NCOA7: variants seen among roughly 807,000 people sequenced by gnomAD.
The protein encoded by NCOA7 is nuclear receptor coactivator 7.
NCOA7 carries 45 observed loss-of-function variants against 104.3 expected under a neutral mutation model. That is an observed-to-expected ratio of 0.43 (90% CI 0.34 to 0.55). The LOEUF is 0.55. Among genes scored for constraint, NCOA7 ranks in the 20% least tolerant of loss-of-function variants. The pLI is 0.02. For synonymous variants in NCOA7, 398 were observed against 402.3 expected (o/e 0.99, Z 0.13); for missense variants, 1,041 against 1,119.7 (o/e 0.93, Z 1.00).
intron 12 of NCOA7, among the ~76,000 whole-genome samples, chr6:125,922,190 A>G (rs1472272796): frequency 6.6e-6 from 1 of 152,242 alleles, no homozygotes; most frequent in Non-Finnish European, 1.5e-5. Flanking sequence ...GATGCAGGTA[A>G]AAGATATAGG....
chr6:125,899,386 G>A (rs1413778093), intron 10 of NCOA7, among the ~76,000 whole-genome samples: 2 of 152,162 alleles, frequency 1.3e-5, no homozygotes, highest in Non-Finnish European at 2.9e-5. Flanking sequence ...AATGCCTCCT[G>A]GTGCCAAGAA....
chr6:125,786,720 C>A (rs1774486093), upstream of NCOA7, among the ~76,000 whole-genome samples: 1 of 151,994 alleles, frequency 6.6e-6, no homozygotes, highest in African/African-American at 2.4e-5. Context: ...GGGATACAGG[C>A]ATGTGCCACC....
At chr6:125,869,048 G>GA (rs1205846804) in intron 3 of NCOA7, among the ~76,000 whole-genome samples, 4 of 151,952 alleles carry the variant, frequency 2.6e-5, no homozygotes, top group Non-Finnish European at 5.9e-5. Context: ...GTTAATAACA[G>GA]AAAAAAAGGC....
At position 125,899,941 on chromosome 6, in the gene NCOA7, A is replaced by G. The variant is rs544484910; in HGVS notation, c.2096+9131A>G. ...TGGTGGCGGAGCAAGCTTGGAGACA[A>G]GTAGCTTTGGAGAATAGCTGAGGGT... On this transcript the variant is annotated intron_variant, in intron 10 of 15. Coordinates refer to ENST00000392477, the MANE Select transcript of NCOA7 (RefSeq NM_181782.5). 17 of 528,568 alleles carry G rather than the reference A, an allele frequency of 3.2e-5. 1 individual carries two copies. The highest frequency in any genetic ancestry group is 2.4e-4 in the South Asian group (17 of 71,328). 32.7% of individuals were successfully genotyped at this position (528,568 alleles called of 1,614,324 possible).
intron 5 of NCOA7, among the ~76,000 whole-genome samples, chr6:125,880,656 G>T (rs1361648679): frequency 6.6e-6 from 1 of 151,972 alleles, no homozygotes; most frequent in Admixed American, 6.6e-5. Context: ...GCCTCCCCGA[G>T]TATCTGGGAC....
chr6:125,893,266 G>C (rs975011207), intron 10 of NCOA7, among the ~76,000 whole-genome samples: 4 of 152,076 alleles, frequency 2.6e-5, no homozygotes, highest in Non-Finnish European at 5.9e-5. Flanking sequence ...TCCCCTTCGT[G>C]GGTTACAGTG....
chr6:125,915,437 T>C lies in NCOA7; in HGVS notation c.2201T>C (p.Met734Thr), dbSNP rs1485052111. 1.9e-6 allele frequency: 3 copies of C among 1,613,876 alleles called. No homozygotes were observed. Among genetic ancestry groups the C allele is most frequent in the East Asian group, 4.5e-5 (2 of 44,876 alleles). ...FVVVEKEELNMIDNFFSEPTT... is the reference protein window; with the variant it reads ...FVVVEKEELNTIDNFFSEPTT... ...GTGGTGGAGAAGGAAGAACTGAACA[T>C]GATTGACAACTTCTTCAGTGAGCCA... Residue 734 changes from methionine (M) to threonine (T), a missense_variant, in exon 11 of 16, where the codon ATG (methionine) becomes ACG (threonine). Met to Thr is a moderately conservative substitution (Grantham distance 81). Coordinates refer to ENST00000392477, the MANE Select transcript of NCOA7 (RefSeq NM_181782.5).
At chr6:125,917,363 T>G (rs1401257602) in intron 11 of NCOA7, among the ~76,000 whole-genome samples, 2 of 152,164 alleles carry the variant, frequency 1.3e-5, no homozygotes, top group Non-Finnish European at 2.9e-5. Context: ...CTGCTTTCCT[T>G]GCTGTCTCTT....
intron 1 of NCOA7, among the ~76,000 whole-genome samples, chr6:125,795,121 G>A (rs938714450): frequency 6.6e-6 from 1 of 152,224 alleles, no homozygotes; most frequent in South Asian, 2.1e-4. Context: ...TATTTACATC[G>A]ACATGATAAG....
At chr6:125,861,614 ATAGT>A (rs1782055741) in intron 3 of NCOA7, among the ~76,000 whole-genome samples, 2 of 152,112 alleles carry the variant, frequency 1.3e-5, no homozygotes, top group Non-Finnish European at 1.5e-5. Context: ...TTGGATGAAA[ATAGT>A]TAGGCCTGTG....
chr6:125,839,182 A>G (rs914628237), intron 2 of NCOA7, among the ~76,000 whole-genome samples: 1 of 152,068 alleles, frequency 6.6e-6, no homozygotes, highest in Non-Finnish European at 1.5e-5. Context: ...CAGTGGAGCA[A>G]TCTCAGCTCA....
rs758698853 is a variant in NCOA7 at position 125,889,777 on chromosome 6, A to C, written c.1723A>C (p.Asn575His). The C allele has an allele frequency of 7.4e-5, 120 of 1,612,230 alleles. No individual in the cohort carries two copies. The East Asian group carries it at 2.7e-3, about 36-fold the overall frequency. The change falls in exon 9 of 16, where the codon AAT (asparagine) becomes CAT (histidine). Residue 575 changes from asparagine to histidine, a missense_variant. Transcript: ENST00000392477. ...SQAGDPITEG[N>H]KEPDKTWVKK... is the part of the protein sequence containing the mutation. ...GGCGGGTGATCCCATAACTGAGGGC[A>C]ATAAAGAGCCAGATAAGACCTGGGT...
intron 2 of NCOA7, among the ~76,000 whole-genome samples, chr6:125,841,537 A>C (rs979046077): frequency 5.9e-5 from 9 of 151,934 alleles, no homozygotes; most frequent in Non-Finnish European, 1.3e-4. Flanking sequence ...TTTTTTTAAG[A>C]GCGTGATCAA....
intron 10 of NCOA7, among the ~76,000 whole-genome samples, chr6:125,909,376 C>G (rs1221408284): frequency 3.9e-5 from 6 of 152,184 alleles, no homozygotes; most frequent in Admixed American, 3.9e-4. Context: ...GTCATTGGCA[C>G]ACAGTGGGTG....
intron 2 of NCOA7, among the ~76,000 whole-genome samples, chr6:125,832,640 A>G (rs899387282): frequency 1.3e-5 from 2 of 152,214 alleles, no homozygotes; most frequent in African/African-American, 4.8e-5. Context: ...AAGAGCCTTC[A>G]CTTAGGGCCC....
chr6:125,874,374 G>C (rs1000261434), intron 3 of NCOA7, among the ~76,000 whole-genome samples: 3 of 152,162 alleles, frequency 2.0e-5, no homozygotes, highest in Non-Finnish European at 4.4e-5. Context: ...TTAGTATGTT[G>C]TTGGACGTAT....
intron 3 of NCOA7, among the ~76,000 whole-genome samples, chr6:125,860,456 T>G (rs1405782426): frequency 6.6e-6 from 1 of 152,190 alleles, no homozygotes; most frequent in Non-Finnish European, 1.5e-5. Context: ...CAAGTGATTC[T>G]CATGCCTCAG....
intron 10 of NCOA7, among the ~76,000 whole-genome samples, chr6:125,897,011 A>G (rs1210019060): frequency 6.6e-6 from 1 of 152,262 alleles, no homozygotes; most frequent in Non-Finnish European, 1.5e-5. Flanking sequence ...AGAAAGCATG[A>G]TAAGTTATTA....
intron 2 of NCOA7, among the ~76,000 whole-genome samples, chr6:125,828,281 G>T (rs75354299): frequency 0.041 from 6,305 of 152,310 alleles, 217 homozygotes; most frequent in Non-Finnish European, 0.061. Flanking sequence ...AGGAGCGAAT[G>T]ATCAGCAGGT....
Sources: gnomAD v4.1 joint callset for allele counts (sites outside exome capture counted in the v4.1 genomes callset) on GRCh38, gnomAD v4.1.1 for gene constraint, MANE v1.5 for transcripts, NCBI Gene and HGNC (gene_info 2026-07-23, HGNC 2026-07-21) for gene names.